Variants in EXOC6B observed in about 807,000 individuals in gnomAD.
The protein encoded by EXOC6B is exocyst complex component 6B.
EXOC6B carries 54 observed loss-of-function variants against 113.5 expected under a neutral mutation model. The ratio of observed to expected loss-of-function variants is 0.48; its 90% CI spans 0.38 to 0.60. The LOEUF is 0.60. Among genes scored for constraint, EXOC6B ranks in the 20% least tolerant of loss-of-function variants. EXOC6B has a pLI of 0.00. For synonymous variants in EXOC6B, 357 were observed against 339.0 expected (o/e 1.05, Z -0.58); for missense variants, 797 against 977.5 (o/e 0.82, Z 2.46).
At chr2:72,473,944 G>A (rs1698565147) in intron 17 of EXOC6B, among the ~76,000 whole-genome samples, 1 of 152,056 alleles carries the variant, frequency 6.6e-6, no homozygotes, top group Non-Finnish European at 1.5e-5. Flanking sequence ...TAAGGCCAGT[G>A]TAGTGGTGAT....
chr2:72,245,006 T>C (rs1020275691), intron 20 of EXOC6B, among the ~76,000 whole-genome samples: 12 of 152,182 alleles, frequency 7.9e-5, no homozygotes, highest in African/African-American at 2.9e-4. Context: ...AATGAAGAGT[T>C]ATTCCATGTT....
intron 6 of EXOC6B, among the ~76,000 whole-genome samples, chr2:72,625,210 C>G (rs1339537368): frequency 6.6e-6 from 1 of 151,318 alleles, no homozygotes; most frequent in Non-Finnish European, 1.5e-5. Flanking sequence ...GCCACCACAC[C>G]TAGCCTAGAG....
rs1024872628 is a variant in EXOC6B at position 72,176,967 on chromosome 2, C to A, written c.*2368G>T. 1 of 152,204 alleles carries A rather than the reference C, an allele frequency of 6.6e-6. No homozygotes were observed. The highest frequency in any genetic ancestry group is 1.5e-5 in the Non-Finnish European group (1 of 68,038). The allele number at this position is 152,204 out of a possible 1,614,324, so 9.4% of individuals were successfully genotyped here. On this transcript the variant is annotated 3_prime_UTR_variant, in exon 22 of 22. Coordinates refer to ENST00000272427, the MANE Select transcript of EXOC6B (RefSeq NM_015189.3). ...TACAGGTTATAGACAAAACTAAAAA[C>A]ATCCCACTTTTCTAGTTCAAAAACT...
intron 20 of EXOC6B, among the ~76,000 whole-genome samples, chr2:72,320,237 A>G (rs984891015): frequency 1.3e-5 from 2 of 150,242 alleles, no homozygotes; most frequent in Admixed American, 6.6e-5. Flanking sequence ...AGTTTTACAT[A>G]TTTGTTCATA....
chr2:72,314,087 C>T (rs1320495844), intron 20 of EXOC6B, among the ~76,000 whole-genome samples: 2 of 152,120 alleles, frequency 1.3e-5, no homozygotes, highest in African/African-American at 2.4e-5. Flanking sequence ...TGCCACCTCT[C>T]GGAATATACT....
intron 1 of EXOC6B, among the ~76,000 whole-genome samples, chr2:72,807,654 T>C (rs1483536137): frequency 1.3e-5 from 2 of 152,164 alleles, no homozygotes; most frequent in Non-Finnish European, 1.5e-5. Context: ...AATGGAGTAC[T>C]ATTCAGCCAC....
chr2:72,762,772 TAA>T (rs968734968), intron 1 of EXOC6B, among the ~76,000 whole-genome samples: 7 of 151,936 alleles, frequency 4.6e-5, no homozygotes, highest in Non-Finnish European at 1.0e-4. Context: ...ATTATTATTT[TAA>T]AATGTTTTAA....
rs74469439 is a variant in EXOC6B, at chr2:72,234,695, G to A, written c.2197-50508C>T. Among the ~76,000 whole-genome samples, 360 of 152,044 alleles carry A rather than the reference G, an allele frequency of 2.4e-3. 1 individual carries two copies. The highest frequency in any genetic ancestry group is 8.2e-3 in the African/African-American group (342 of 41,470). On this transcript the variant is annotated intron_variant, in intron 20 of 21. Coordinates refer to ENST00000272427, the MANE Select transcript of EXOC6B (RefSeq NM_015189.3). The stretch of plus-strand genomic sequence containing the variant: ...AGCTCTATTATCCAGAATCTATAGG[G>A]AACATAAATTAAGCAAAAAACAAAC...
At chr2:72,339,924 T>A (rs529846620) in intron 19 of EXOC6B, among the ~76,000 whole-genome samples, 1 of 152,290 alleles carries the variant, frequency 6.6e-6, no homozygotes, top group South Asian at 2.1e-4. Flanking sequence ...GATATGGTAA[T>A]TATTTTTAAA....
intron 18 of EXOC6B, among the ~76,000 whole-genome samples, chr2:72,426,911 G>A (rs1695230315): frequency 6.6e-6 from 1 of 152,210 alleles, no homozygotes; most frequent in Non-Finnish European, 1.5e-5. Flanking sequence ...GGCGGCAGTG[G>A]GTCACCTATG....
intron 5 of EXOC6B, among the ~76,000 whole-genome samples, chr2:72,721,639 A>T (rs1680017399): frequency 6.6e-6 from 1 of 152,064 alleles, no homozygotes; most frequent in African/African-American, 2.4e-5. Context: ...TTCCAAACAA[A>T]AAAAAGATGC....
chr2:72,251,875 A>G (rs1683039847), intron 20 of EXOC6B, among the ~76,000 whole-genome samples: 1 of 152,200 alleles, frequency 6.6e-6, no homozygotes, highest in African/African-American at 2.4e-5. Flanking sequence ...TTAGATAACT[A>G]GTTTAGTTTA....
chr2:72,586,633 TC>T (rs1190183353), intron 6 of EXOC6B, among the ~76,000 whole-genome samples: 4 of 151,980 alleles, frequency 2.6e-5, no homozygotes, highest in African/African-American at 9.7e-5. Context: ...ATGCCTGTAA[TC>T]CCAGCTACTT....
rs114990253 is a variant in EXOC6B at position 72,402,661 on chromosome 2, G to A, written c.1981-22791C>T. Among the ~76,000 whole-genome samples the A allele has an allele frequency of 9.1e-3, 1,383 of 152,184 alleles. 21 individuals carry two copies. The highest frequency in any genetic ancestry group is 0.031 in the African/African-American group (1,295 of 41,524). On this transcript the variant is annotated intron_variant, in intron 18 of 21. Coordinates refer to ENST00000272427, the MANE Select transcript of EXOC6B (RefSeq NM_015189.3). Reference sequence around the variant, plus strand: ...CAGATAGTTTCTGTCAATGTATTTTGCTACTTCGAATAGGCCATACTTTCC... The same window carrying A: ...CAGATAGTTTCTGTCAATGTATTTTACTACTTCGAATAGGCCATACTTTCC...
intron 18 of EXOC6B, among the ~76,000 whole-genome samples, chr2:72,385,426 A>T (rs1222951056): frequency 2.0e-5 from 3 of 152,032 alleles, no homozygotes. Flanking sequence ...AACAGATGAA[A>T]AAGCTCCATG....
chr2:72,233,587 TA>T (rs1681767303), intron 20 of EXOC6B, among the ~76,000 whole-genome samples: 1 of 152,132 alleles, frequency 6.6e-6, no homozygotes, highest in Non-Finnish European at 1.5e-5. Flanking sequence ...GCCAGCTGGA[TA>T]TTCTGTGGGG....
chr2:72,489,567 G>C (rs1699625515), intron 16 of EXOC6B, among the ~76,000 whole-genome samples: 1 of 152,086 alleles, frequency 6.6e-6, no homozygotes, highest in African/African-American at 2.4e-5. Flanking sequence ...CAACATTCCT[G>C]TGAAATACAT....
At chr2:72,492,578 T>TA (rs1395563494) in intron 15 of EXOC6B, 149 bp from the exon 16 acceptor site, 3 of 478,718 alleles carry the variant, frequency 6.3e-6, no homozygotes, top group Non-Finnish European at 1.1e-5. Context: ...AGTACTATAA[T>TA]AAACTCTCCT....
chr2:72,578,212 C>T (rs1704994221), intron 6 of EXOC6B, among the ~76,000 whole-genome samples: 1 of 152,126 alleles, frequency 6.6e-6, no homozygotes, highest in East Asian at 1.9e-4. Flanking sequence ...CTACCTAATA[C>T]AGCCAGGCTC....
Sources: gnomAD v4.1 joint callset for allele counts (sites outside exome capture counted in the v4.1 genomes callset) on GRCh38, gnomAD v4.1.1 for gene constraint, MANE v1.5 for transcripts, NCBI Gene and HGNC (gene_info 2026-07-23, HGNC 2026-07-21) for gene names.